KIAA0825: variants seen among roughly 807,000 people sequenced by gnomAD.
KIAA0825 encodes uncharacterized protein KIAA0825.
In KIAA0825, 119 loss-of-function variants were observed where a neutral mutation model predicts 147.6. The observed-to-expected ratio is 0.81, with a 90% confidence interval of 0.69 to 0.94. The LOEUF is 0.94. Among genes scored for constraint, KIAA0825 ranks in the 40% least tolerant of loss-of-function variants. The pLI, the probability that KIAA0825 is intolerant of heterozygous loss-of-function variation, is 0.00. For missense variants in KIAA0825, 1,381 were observed against 1,472.7 expected, an observed-to-expected ratio of 0.94 and a Z score of 1.02; for synonymous variants, 470 against 518.1, an observed-to-expected ratio of 0.91 and a Z score of 1.26.
chr5:94,420,748 G>C (rs1237444262), intron 14 of KIAA0825, among the ~76,000 whole-genome samples: 5 of 151,886 alleles, frequency 3.3e-5, no homozygotes, highest in Non-Finnish European at 7.4e-5. Flanking sequence ...AAAGAAGGAA[G>C]GAAGGCAGAA....
At chr5:94,589,711 T>A (rs184085705) in intron 1 of KIAA0825, among the ~76,000 whole-genome samples, 462 of 152,204 alleles carry the variant, frequency 3.0e-3, no homozygotes, top group African/African-American at 0.011. Flanking sequence ...ATGTGTATAA[T>A]TTTGGTAGGT....
chr5:94,587,422 A>T (rs1005067570), intron 1 of KIAA0825, among the ~76,000 whole-genome samples: 2 of 152,228 alleles, frequency 1.3e-5, no homozygotes, highest in Non-Finnish European at 2.9e-5. Context: ...GAGCCAAATC[A>T]TGAGTGAAAT....
chr5:94,217,078 T>G (rs1773270166), intron 20 of KIAA0825, among the ~76,000 whole-genome samples: 1 of 152,290 alleles, frequency 6.6e-6, no homozygotes, highest in Middle Eastern at 3.4e-3. Flanking sequence ...TCAAAGGATT[T>G]TTTTCTCTTT....
rs1782387002 is a variant in KIAA0825, at chr5:94,582,517, C to G, written c.-86G>C. On this transcript the variant is annotated 5_prime_UTR_variant, in exon 2 of 21. Transcript: ENST00000682413. ...AAATTATTTCCTGAAGAGTTGTCAG[C>G]AGAAGAACTGTCTCTTTTCTAGTAA... 6.6e-6 allele frequency: 1 copy of G among 152,088 alleles called. No homozygotes were observed. The highest frequency in any genetic ancestry group is 1.5e-5 in the Non-Finnish European group (1 of 68,030). The allele number at this position is 152,088 out of a possible 1,614,324, so 9.4% of individuals were successfully genotyped here.
At chr5:94,189,590 A>G (rs980736649) in intron 20 of KIAA0825, among the ~76,000 whole-genome samples, 1 of 152,136 alleles carries the variant, frequency 6.6e-6, no homozygotes, top group Non-Finnish European at 1.5e-5. Context: ...CCATATAAGC[A>G]TGGATCTATT....
Position 94,384,417 on chromosome 5 carries a change from T to C in KIAA0825, c.3661A>G (p.Asn1221Asp), listed in dbSNP as rs1356636995. 1 of 1,551,994 alleles carries C rather than the reference T, an allele frequency of 6.4e-7. No individual in the cohort carries two copies. Among genetic ancestry groups the C allele is most frequent in the Admixed American group, 2.0e-5 (1 of 51,000 alleles). Residue 1221 changes from asparagine to aspartate, a missense_variant, in exon 20 of 21, where the codon AAT (asparagine) becomes GAT (aspartate). Physicochemically the swap from Asn to Asp is conservative, Grantham distance 23. Transcript: ENST00000682413. ...WNWNWAKLLPNYLRLDKMTFS... is the reference protein window; with the variant it reads ...WNWNWAKLLPDYLRLDKMTFS... ...GTCATCTTATCCAGTCTCAGATAATTTGGCAGCAACTTTGCCCAATTCCAG... is the reference window on the plus strand; with the variant it reads ...GTCATCTTATCCAGTCTCAGATAATCTGGCAGCAACTTTGCCCAATTCCAG...
chr5:94,176,802 A>T (rs1197644161), intron 20 of KIAA0825, among the ~76,000 whole-genome samples: 1 of 151,954 alleles, frequency 6.6e-6, no homozygotes, highest in South Asian at 2.1e-4. Flanking sequence ...AAGAAGAACA[A>T]CCTAACCCTG....
intron 13 of KIAA0825, among the ~76,000 whole-genome samples, chr5:94,450,490 G>A (rs776503108): frequency 1.3e-5 from 2 of 151,440 alleles, no homozygotes; most frequent in Non-Finnish European, 2.9e-5. Flanking sequence ...TCACAGTCTG[G>A]AGGCTGGGAA....
chr5:94,257,444 TTC>T (rs796896689), intron 20 of KIAA0825, among the ~76,000 whole-genome samples: 2 of 152,178 alleles, frequency 1.3e-5, no homozygotes, highest in African/African-American at 4.8e-5. Flanking sequence ...GAGAAATGAA[TTC>T]TGTTTAGATT....
Position 94,391,661 on chromosome 5 carries a change from T to C in KIAA0825, c.3330A>G (p.Leu1110=). 6.5e-7 allele frequency: 1 copy of C among 1,550,254 alleles called. No homozygotes were observed. The highest frequency in any genetic ancestry group is 8.7e-7 in the Non-Finnish European group (1 of 1,146,188). The part of the protein sequence containing the change: ...AFMTIEKSTA[L]QEGDVALELT... ...GTTCAAGAGCAACATCTCCTTCTTGTAAGGCCGTGCTTTTCTCTATTGTCA... is the reference window on the plus strand; with the variant it reads ...GTTCAAGAGCAACATCTCCTTCTTGCAAGGCCGTGCTTTTCTCTATTGTCA... Residue 1110 remains leucine (L), a synonymous_variant, in exon 18 of 21, where the codon TTA becomes TTG. Coordinates refer to ENST00000682413, the MANE Select transcript of KIAA0825 (RefSeq NM_001145678.3).
chr5:94,255,896 T>C (rs1776229881), intron 20 of KIAA0825, among the ~76,000 whole-genome samples: 1 of 151,690 alleles, frequency 6.6e-6, no homozygotes, highest in Non-Finnish European at 1.5e-5. Context: ...GTATTTTTTA[T>C]AGAGACGAGG....
At chr5:94,598,723 T>C (rs1785759371) in intron 1 of KIAA0825, among the ~76,000 whole-genome samples, 2 of 152,154 alleles carry the variant, frequency 1.3e-5, no homozygotes, top group Admixed American at 6.5e-5. Context: ...TTACACTACA[T>C]ATGACAGCTA....
chr5:94,580,870 C>T (rs1210094853), intron 2 of KIAA0825, among the ~76,000 whole-genome samples: 2 of 12,692 alleles, frequency 1.6e-4, no homozygotes, highest in Admixed American at 1.2e-3. Flanking sequence ...AGCGAGACTC[C>T]GTCTCAAAAA....
chr5:94,424,940 G>T (rs973196900), intron 14 of KIAA0825, among the ~76,000 whole-genome samples: 1 of 152,112 alleles, frequency 6.6e-6, no homozygotes, highest in Non-Finnish European at 1.5e-5. Flanking sequence ...ATTAATTCAG[G>T]AAGAAACAGA....
chr5:94,617,223 AGATAT>A (rs1790775077), intron 1 of KIAA0825, among the ~76,000 whole-genome samples: 1 of 152,246 alleles, frequency 6.6e-6, no homozygotes, highest in Admixed American at 6.5e-5. Context: ...GTTGCTGTAC[AGATAT>A]AATACATAAT....
At chr5:94,466,287 T>C (rs1247899648) in intron 10 of KIAA0825, among the ~76,000 whole-genome samples, 1 of 152,192 alleles carries the variant, frequency 6.6e-6, no homozygotes, top group Non-Finnish European at 1.5e-5. Flanking sequence ...AGTTATTATC[T>C]ACCGACTTTC....
intron 20 of KIAA0825, among the ~76,000 whole-genome samples, chr5:94,244,280 T>C (rs1266704073): frequency 6.6e-6 from 1 of 152,216 alleles, no homozygotes. Context: ...AGCAGAATTA[T>C]GTTGTGTGAG....
chr5:94,251,308 A>G (rs1359577856), intron 20 of KIAA0825, among the ~76,000 whole-genome samples: 1 of 152,140 alleles, frequency 6.6e-6, no homozygotes, highest in Non-Finnish European at 1.5e-5. Flanking sequence ...GCGGAACGTC[A>G]GCCCTCTCAG....
intron 1 of KIAA0825, among the ~76,000 whole-genome samples, chr5:94,584,447 A>G (rs1187856925): frequency 6.6e-6 from 1 of 152,226 alleles, no homozygotes; most frequent in Non-Finnish European, 1.5e-5. Flanking sequence ...TCAGTGATTG[A>G]AGACCAAATT....
Sources: gnomAD v4.1 joint callset for allele counts (sites outside exome capture counted in the v4.1 genomes callset) on GRCh38, gnomAD v4.1.1 for gene constraint, MANE v1.5 for transcripts, NCBI Gene and HGNC (gene_info 2026-07-23, HGNC 2026-07-21) for gene names.